Variants in BDP1 observed in about 807,000 individuals in gnomAD.
BDP1 encodes the protein transcription factor TFIIIB component B'' homolog.
Under a neutral mutation model 266.6 loss-of-function variants are expected in BDP1, and 169 were observed. The observed-to-expected ratio is 0.63, with a 90% CI of 0.56 to 0.72. The LOEUF (loss-of-function observed/expected upper bound fraction) is 0.72. Ranked by LOEUF, BDP1 falls within the 30% of genes least tolerant of loss-of-function variation. The pLI is 0.00. For synonymous variants in BDP1, 1,090 were observed against 1,022.4 expected (o/e 1.07, Z -1.26); for missense variants, 3,015 against 3,053.8 (o/e 0.99, Z 0.30).
chr5:71,468,603 T>A (rs1484606745), intron 6 of BDP1, among the ~76,000 whole-genome samples: 5 of 127,666 alleles, frequency 3.9e-5, no homozygotes, highest in Non-Finnish European at 6.5e-5. Flanking sequence ...CAATACAATA[T>A]TTCCTTTTTT....
At chr5:71,559,102 C>T (rs1743442105) in intron 36 of BDP1, among the ~76,000 whole-genome samples, 2 of 151,910 alleles carry the variant, frequency 1.3e-5, no homozygotes, top group South Asian at 2.1e-4. Context: ...TGCAGTGAGC[C>T]GAGATCGCGC....
Position 71,566,891 on chromosome 5 carries a change from C to A in BDP1, c.*2006C>A, listed in dbSNP as rs1363427294. 3.9e-5 allele frequency: 6 copies of A among 152,094 alleles called. No homozygotes were observed. Among genetic ancestry groups the A allele is most frequent in the African/African-American group, 1.4e-4 (6 of 41,424 alleles). 9.4% of individuals were successfully genotyped at this position (152,094 alleles called of 1,614,324 possible). A position where few individuals can be genotyped will look rare whatever the true frequency, so the allele number is the denominator to read the frequency against. On this transcript the variant is annotated 3_prime_UTR_variant, in exon 39 of 39. Transcript: ENST00000358731. ...GTTTGTATATTGAAAAAATGGTGGC[C>A]AGTTTTTAAGTTCCTTAATAGAAGA...
At position 71,514,937 on chromosome 5, in the gene BDP1, C is replaced by A. The variant is rs778882960; in HGVS notation, c.4471-7C>A. 1.3e-6 allele frequency: 2 copies of A among 1,585,534 alleles called. No individual in the cohort carries two copies. Among genetic ancestry groups the A allele is most frequent in the East Asian group, 4.5e-5 (2 of 44,058 alleles). On this transcript the variant is annotated splice_region_variant and splice_polypyrimidine_tract_variant and intron_variant, in intron 19 of 38. Coordinates refer to ENST00000358731, the MANE Select transcript of BDP1 (RefSeq NM_018429.3). ...ACTGTGAATGAAATTTTTTTTCTGT[C>A]TTCTAGGATGAAGCTTCCCTAATGA... is the stretch of plus-strand genomic sequence containing the variant.
rs1744112638 is a variant in BDP1 at position 71,567,692 on chromosome 5, T to C, written c.*2807T>C. Reference sequence around the variant, plus strand: ...ATGTTATTTGAAACAAAAGTGACCATGTATACTATCTTGCTTGAAGAAGTC... The same window carrying C: ...ATGTTATTTGAAACAAAAGTGACCACGTATACTATCTTGCTTGAAGAAGTC... On this transcript the variant is annotated 3_prime_UTR_variant, in exon 39 of 39. Transcript: ENST00000358731. 6.6e-6 allele frequency: 1 copy of C among 152,620 alleles called. No individual in the cohort carries two copies. Among genetic ancestry groups the C allele is most frequent in the South Asian group, 2.1e-4 (1 of 4,832 alleles). The allele number at this position is 152,620 out of a possible 1,614,324, so 9.5% of individuals were successfully genotyped here.
chr5:71,465,246 A>G (rs930732503), intron 4 of BDP1, among the ~76,000 whole-genome samples: 1 of 152,080 alleles, frequency 6.6e-6, no homozygotes, highest in Non-Finnish European at 1.5e-5. Flanking sequence ...CAAATAATCT[A>G]GAAACTAATG....
At chr5:71,484,268 A>G (rs1763127711) in intron 8 of BDP1, among the ~76,000 whole-genome samples, 1 of 152,206 alleles carries the variant, frequency 6.6e-6, no homozygotes. Context: ...CTAATCAGTC[A>G]TTCAGTCAAT....
chr5:71,521,640 A>G (rs1400920111), intron 22 of BDP1, among the ~76,000 whole-genome samples: 6 of 152,176 alleles, frequency 3.9e-5, no homozygotes, highest in Non-Finnish European at 7.3e-5. Flanking sequence ...AGTTGCTAAA[A>G]TATTGTCCAG....
At chr5:71,514,710 T>C (rs1303326795) in intron 19 of BDP1, among the ~76,000 whole-genome samples, 1 of 152,190 alleles carries the variant, frequency 6.6e-6, no homozygotes, top group African/African-American at 2.4e-5. Context: ...TGTTTGTCTT[T>C]TCCGGTGAGG....
intron 2 of BDP1, among the ~76,000 whole-genome samples, chr5:71,461,193 A>G (rs147219102): frequency 1.3e-5 from 2 of 152,038 alleles, no homozygotes; most frequent in Non-Finnish European, 2.9e-5. Flanking sequence ...TATGTTGCCC[A>G]GGCTGGTAAC....
intron 7 of BDP1, among the ~76,000 whole-genome samples, chr5:71,470,891 C>CT (rs56915738): frequency 0.065 from 9,427 of 144,130 alleles, 487 homozygotes; most frequent in African/African-American, 0.15. Context: ...GTGCCCAGCC[C>CT]TTTTTTTTTT....
chr5:71,486,698 T>C (rs1763285529), intron 9 of BDP1, 71 bp downstream of exon 9: 1 of 1,272,218 alleles, frequency 7.9e-7, no homozygotes, highest in African/African-American at 1.6e-5. Flanking sequence ...CCCTCAGGCC[T>C]TTGAGAGTTC....
At chr5:71,563,335 G>A (rs550702063) in intron 38 of BDP1, among the ~76,000 whole-genome samples, 11 of 152,222 alleles carry the variant, frequency 7.2e-5, no homozygotes, top group African/African-American at 2.6e-4. Flanking sequence ...TTTAGTAGAG[G>A]CGGGATTTCG....
chr5:71,467,263 G>A, intron 5 of BDP1, 91 bp from the exon 6 acceptor site: 1 of 1,114,046 alleles, frequency 9.0e-7, no homozygotes. Flanking sequence ...TGATTGCCAT[G>A]CTAAACCTCA....
In BDP1 at chr5:71,522,804, T is replaced by A; in HGVS notation, c.5242T>A (p.Cys1748Ser). ...TSLEVSARKD[C>S]VGSKESALAK... is the part of the protein sequence containing the mutation. ...TCTGGAGGTTTCAGCAAGAAAAGATTGTGTAGGTTCCAAAGAGTCTGCTTT... is the reference window on the plus strand; with the variant it reads ...TCTGGAGGTTTCAGCAAGAAAAGATAGTGTAGGTTCCAAAGAGTCTGCTTT... The change falls in exon 24 of 39, where the codon TGT (cysteine) becomes AGT (serine). Residue 1748 changes from cysteine to serine, a missense_variant. Physicochemically the swap from Cys to Ser is moderately radical, Grantham distance 112. Coordinates refer to ENST00000358731, the MANE Select transcript of BDP1 (RefSeq NM_018429.3). The A allele has an allele frequency of 6.2e-7, 1 of 1,610,210 alleles. No homozygotes were observed. Among genetic ancestry groups the A allele is most frequent in the African/African-American group, 1.3e-5 (1 of 74,792 alleles).
rs766091387 is a variant in BDP1 at position 71,458,668 on chromosome 5, C to T, written c.302C>T (p.Thr101Ile). 1 of 1,613,964 alleles carries T rather than the reference C, an allele frequency of 6.2e-7. No homozygotes were observed. Among genetic ancestry groups the T allele is most frequent in the East Asian group, 2.2e-5 (1 of 44,872 alleles). Residue 101 changes from threonine to isoleucine, a missense_variant, in exon 2 of 39, where the codon ACT (threonine) becomes ATT (isoleucine). Thr to Ile is a moderately conservative substitution (Grantham distance 89). Transcript: ENST00000358731. ...CAGAGAAGAAAGCGAATATCAAGTA[C>T]TTCTAGCCTGGTTAAGTCTAGTGTC... ...VSQRRKRISSTSSLVKSSVSV... is the reference protein window; with the variant it reads ...VSQRRKRISSISSLVKSSVSV...
chr5:71,478,623 T>C (rs1762741943), intron 7 of BDP1, among the ~76,000 whole-genome samples: 1 of 152,152 alleles, frequency 6.6e-6, no homozygotes. Context: ...TCTTGCCTCA[T>C]ATATGATTAA....
In BDP1 at chr5:71,545,029, T is replaced by C. The variant is rs1383478436; in HGVS notation, c.6564-10T>C. Reference sequence around the variant, plus strand: ...ATTTCAAATGACATGCATGCTAAACTCTCTTTCAGAAACGAAAATCAAGAA... The same window carrying C: ...ATTTCAAATGACATGCATGCTAAACCCTCTTTCAGAAACGAAAATCAAGAA... On this transcript the variant is annotated splice_polypyrimidine_tract_variant and intron_variant, in intron 31 of 38. Transcript: ENST00000358731. 2.5e-6 allele frequency: 4 copies of C among 1,611,980 alleles called. No homozygotes were observed. The highest frequency in any genetic ancestry group is 1.3e-5 in the African/African-American group (1 of 74,720).
intron 7 of BDP1, among the ~76,000 whole-genome samples, chr5:71,481,869 A>C (rs1205602765): frequency 6.6e-6 from 1 of 152,224 alleles, no homozygotes; most frequent in Non-Finnish European, 1.5e-5. Context: ...AAGTGAGAGA[A>C]GGGAATGCAT....
Position 71,501,671 on chromosome 5 carries a change from A to T in BDP1, c.2048+18A>T. ...GTATCTGTGTGAGTATTCAGGAAGT[A>T]GTAAAAAAAAAAAAAAAAAAAAGTA... On this transcript the variant is annotated intron_variant, in intron 14 of 38. Transcript: ENST00000358731. 1.9e-5 allele frequency: 13 copies of T among 686,044 alleles called. No individual in the cohort carries two copies. The highest frequency in any genetic ancestry group is 3.0e-5 in the Non-Finnish European group (13 of 439,344). 42.5% of individuals were successfully genotyped at this position (686,044 alleles called of 1,614,324 possible).
Sources: gnomAD v4.1 joint callset for allele counts (sites outside exome capture counted in the v4.1 genomes callset) on GRCh38, gnomAD v4.1.1 for gene constraint, MANE v1.5 for transcripts, NCBI Gene and HGNC (gene_info 2026-07-23, HGNC 2026-07-21) for gene names.